The following ZBTB20 variants were observed in gnomAD, a reference collection of about 807,000 sequenced individuals.
The protein encoded by ZBTB20 is zinc finger and BTB domain-containing protein 20.
In ZBTB20, 9 loss-of-function variants were observed where a neutral mutation model predicts 56.9. That is an observed-to-expected ratio of 0.16 (90% CI 0.10 to 0.28). The LOEUF (loss-of-function observed/expected upper bound fraction) is 0.28. ZBTB20 is among the 10% of genes least tolerant of loss of function. The pLI is 1.00. For synonymous variants in ZBTB20, 417 were observed against 420.7 expected (o/e 0.99, Z 0.11); for missense variants, 655 against 1,003.0 (o/e 0.65, Z 4.69).
At chr3:114,801,205 G>C (rs1193184934) in intron 4 of ZBTB20, 31 bp from the exon 5 acceptor site, 6 of 150,724 alleles carry the variant, frequency 4.0e-5, no homozygotes, top group African/African-American at 1.5e-4. Context: ...ATCTCTTTCA[G>C]TTATAATTGG....
intron 10 of ZBTB20, among the ~76,000 whole-genome samples, chr3:114,365,995 CT>C: frequency 6.6e-6 from 1 of 152,302 alleles, no homozygotes; most frequent in Admixed American, 6.5e-5. Context: ...TACAAATGCA[CT>C]ACATCATTAT....
At chr3:114,774,756 A>C (rs2069462538) in intron 5 of ZBTB20, among the ~76,000 whole-genome samples, 1 of 152,174 alleles carries the variant, frequency 6.6e-6, no homozygotes, top group South Asian at 2.1e-4. Flanking sequence ...CCTTCTTTAA[A>C]AAATAAGAAA....
At chr3:114,922,123 A>T (rs1380247047) in intron 3 of ZBTB20, among the ~76,000 whole-genome samples, 1 of 152,140 alleles carries the variant, frequency 6.6e-6, no homozygotes, top group Non-Finnish European at 1.5e-5. Context: ...CACCTGACAA[A>T]AATCAATGCT....
chr3:114,880,916 A>G (rs976102266), intron 4 of ZBTB20, among the ~76,000 whole-genome samples: 2 of 152,106 alleles, frequency 1.3e-5, no homozygotes, highest in Non-Finnish European at 2.9e-5. Context: ...AGTAATATCA[A>G]TGGTGATTTT....
At chr3:114,391,970 T>C (rs1470480377) in intron 7 of ZBTB20, among the ~76,000 whole-genome samples, 1 of 152,200 alleles carries the variant, frequency 6.6e-6, no homozygotes, top group Non-Finnish European at 1.5e-5. Context: ...CAAAAATATA[T>C]TGTGTTCCAA....
chr3:114,405,939 T>A (rs1301558796), intron 7 of ZBTB20, among the ~76,000 whole-genome samples: 2 of 151,838 alleles, frequency 1.3e-5, no homozygotes, highest in Non-Finnish European at 2.9e-5. Context: ...TAGAGGCATT[T>A]TTTTTTAAAA....
At chr3:115,067,727 G>A (rs1215679517) in intron 2 of ZBTB20, among the ~76,000 whole-genome samples, 2 of 152,006 alleles carry the variant, frequency 1.3e-5, no homozygotes, top group Non-Finnish European at 2.9e-5. Context: ...CAGAAACATT[G>A]CACATGCACA....
chr3:114,913,166 T>C (rs1398887754), intron 3 of ZBTB20, among the ~76,000 whole-genome samples: 1 of 152,086 alleles, frequency 6.6e-6, no homozygotes, highest in Non-Finnish European at 1.5e-5. Context: ...CAGGCTGTTC[T>C]CCATAGTACT....
At chr3:114,602,146 G>A (rs1478106982) in intron 6 of ZBTB20, among the ~76,000 whole-genome samples, 1 of 151,944 alleles carries the variant, frequency 6.6e-6, no homozygotes, top group Non-Finnish European at 1.5e-5. Context: ...AATCTCACTA[G>A]TTCCTAATCA....
chr3:114,819,500 T>C (rs1280828045), intron 4 of ZBTB20, among the ~76,000 whole-genome samples: 4 of 151,870 alleles, frequency 2.6e-5, no homozygotes, highest in Non-Finnish European at 5.9e-5. Context: ...AAAAAGCAGA[T>C]AGTCCAGAAA....
chr3:115,093,290 G>A (rs912058662), intron 1 of ZBTB20, among the ~76,000 whole-genome samples: 2 of 152,192 alleles, frequency 1.3e-5, no homozygotes, highest in African/African-American at 2.4e-5. Flanking sequence ...GGTGATATAA[G>A]TGAAACTACT....
At chr3:115,145,515 C>T (rs573510938) in intron 1 of ZBTB20, among the ~76,000 whole-genome samples, 4 of 116,400 alleles carry the variant, frequency 3.4e-5, no homozygotes, top group South Asian at 7.4e-4. Flanking sequence ...CAAGTAAATG[C>T]CATGTATTAA....
At chr3:114,471,311 G>C (rs547134766) in intron 7 of ZBTB20, among the ~76,000 whole-genome samples, 1 of 152,296 alleles carries the variant, frequency 6.6e-6, no homozygotes, top group South Asian at 2.1e-4. Context: ...GAGGCTTAGA[G>C]ATGGTAAATA....
At chr3:114,585,687 G>A (rs920409009) in intron 6 of ZBTB20, among the ~76,000 whole-genome samples, 2 of 152,130 alleles carry the variant, frequency 1.3e-5, no homozygotes, top group African/African-American at 4.8e-5. Flanking sequence ...TGGGCCTGGG[G>A]CAACCACACT....
intron 7 of ZBTB20, among the ~76,000 whole-genome samples, chr3:114,478,270 C>T (rs769507131): frequency 6.6e-6 from 1 of 152,194 alleles, no homozygotes; most frequent in African/African-American, 2.4e-5. Context: ...CCAGCCTAGA[C>T]TTCAGTGTTT....
intron 7 of ZBTB20, among the ~76,000 whole-genome samples, chr3:114,456,915 C>T (rs1159642611): frequency 2.0e-5 from 3 of 152,238 alleles, no homozygotes; most frequent in African/African-American, 4.8e-5. Context: ...ATGTCAGGCA[C>T]GTGGGAGCCC....
chr3:114,598,590 T>C (rs1455983062), intron 6 of ZBTB20, among the ~76,000 whole-genome samples: 2 of 152,034 alleles, frequency 1.3e-5, no homozygotes, highest in African/African-American at 4.8e-5. Context: ...GAAAATAAGA[T>C]GGAGAATTTT....
In ZBTB20 at chr3:114,319,338, GT is replaced by G. The variant is rs1405629770; in HGVS notation, c.*19666del. On this transcript the variant is annotated 3_prime_UTR_variant, in exon 12 of 12. Transcript: ENST00000675478. ...TTCCTCTCCTAAACATTAACCTTCA[GT>G]CTAGGGCACAATTATTTATTGATTT... The G allele has an allele frequency of 6.6e-6, 1 of 151,814 alleles. No homozygotes were observed. The highest frequency in any genetic ancestry group is 2.4e-5 in the African/African-American group (1 of 41,270). 9.4% of individuals were successfully genotyped at this position (151,814 alleles called of 1,614,324 possible). A position where few individuals can be genotyped will look rare whatever the true frequency, so the allele number is the denominator to read the frequency against.
intron 11 of ZBTB20, among the ~76,000 whole-genome samples, chr3:114,346,532 C>T (rs2080198712): frequency 6.6e-6 from 1 of 152,050 alleles, no homozygotes; most frequent in Non-Finnish European, 1.5e-5. Flanking sequence ...CATCTAATTA[C>T]AGTACAATCG....
Sources: gnomAD v4.1 joint callset for allele counts (sites outside exome capture counted in the v4.1 genomes callset) on GRCh38, gnomAD v4.1.1 for gene constraint, MANE v1.5 for transcripts, NCBI Gene and HGNC (gene_info 2026-07-23, HGNC 2026-07-21) for gene names.